Variants in PRAM1 observed in about 807,000 individuals in gnomAD.
PRAM1 encodes PML-RARA-regulated adapter molecule 1.
Under a neutral mutation model 55.3 loss-of-function variants are expected in PRAM1, and 41 were observed. The ratio of observed to expected loss-of-function variants is 0.74; its 90% CI spans 0.58 to 0.96. The LOEUF (loss-of-function observed/expected upper bound fraction) is 0.96. Ranked by LOEUF, PRAM1 falls within the 40% of genes least tolerant of loss-of-function variation. The pLI, the probability that PRAM1 is intolerant of heterozygous loss-of-function variation, is 0.00. For synonymous variants in PRAM1, 401 were observed against 387.1 expected (o/e 1.04, Z -0.42); for missense variants, 898 against 892.7 (o/e 1.01, Z -0.08).
At position 8,498,589 on chromosome 19, in the gene PRAM1, T is replaced by C; in HGVS notation, c.1219A>G (p.Ser407Gly). 6.2e-7 allele frequency: 1 copy of C among 1,612,634 alleles called. No homozygotes were observed. The highest frequency in any genetic ancestry group is 8.5e-7 in the Non-Finnish European group (1 of 1,179,738). The change falls in exon 2 of 10, where the codon AGC becomes GGC. Residue 407 changes from serine to glycine, a missense_variant. Coordinates refer to ENST00000423345, the MANE Select transcript of PRAM1 (RefSeq NM_032152.5). Reference protein sequence around the residue: ...VAGFSSRHPLSPGFGAAGTPR... With the variant: ...VAGFSSRHPLGPGFGAAGTPR... ...GTCCCAGCCGCTCCAAACCCAGGGC[T>C]GAGCGGGTGCCGGGAGCTGAAGCCG...
At chr19:8,496,842 G>T (rs566523116) in intron 4 of PRAM1, among the ~76,000 whole-genome samples, 112 of 152,092 alleles carry the variant, frequency 7.4e-4, no homozygotes, top group African/African-American at 2.5e-3. Context: ...TCGAGACCAC[G>T]GTGAAACCCC....
intron 1 of PRAM1, among the ~76,000 whole-genome samples, chr19:8,501,422 T>G (rs1425743394): frequency 1.3e-5 from 2 of 151,760 alleles, no homozygotes; most frequent in Non-Finnish European, 2.9e-5. Context: ...ATCCCACTAC[T>G]GCCCTGCATT....
Position 8,490,441 on chromosome 19 carries a change from C to T in PRAM1, c.1940+35G>A, listed in dbSNP as rs771160804. ...TCCCCCCACCCTGCACCACACACCC[C>T]GCACTCCCCCACCACGGTCAGGGCT... On this transcript the variant is annotated intron_variant, in intron 8 of 9. Coordinates refer to ENST00000423345, the MANE Select transcript of PRAM1 (RefSeq NM_032152.5). This position sits in a 1 kb window ranked among gnomAD's most constrained non-coding sequence, Gnocchi z 7.3. 1.4e-5 allele frequency: 22 copies of T among 1,613,210 alleles called. No homozygotes were observed. Among genetic ancestry groups the T allele is most frequent in the South Asian group, 8.8e-5 (8 of 91,014 alleles).
At position 8,498,684 on chromosome 19, in the gene PRAM1, A is replaced by C; in HGVS notation, c.1124T>G (p.Phe375Cys). ...TGGAGGCTTTCGAGGGAGATCACCG[A>C]AGAACTCAGGCTGCGGGTGTCTCTT... ...VLKRHPQPEF[F>C]GDLPRKPPLP... is the part of the protein sequence containing the mutation. The change falls in exon 2 of 10, where the codon TTC becomes TGC. Residue 375 changes from phenylalanine to cysteine, a missense_variant. Transcript: ENST00000423345. The C allele has an allele frequency of 3.7e-6, 6 of 1,606,800 alleles. No individual in the cohort carries two copies. Among genetic ancestry groups the C allele is most frequent in the Non-Finnish European group, 5.1e-6 (6 of 1,177,104 alleles).
At chr19:8,491,585 A>C (rs1279159373) in intron 4 of PRAM1, 1 of 229,704 alleles carries the variant, frequency 4.4e-6, no homozygotes, top group East Asian at 1.2e-4. Context: ...GGACTCCCCA[A>C]ATCCCACCAG....
chr19:8,497,669 G>T, intron 4 of PRAM1, 95 bp downstream of exon 4: 2 of 1,007,880 alleles, frequency 2.0e-6, no homozygotes, highest in Non-Finnish European at 3.0e-6. Flanking sequence ...GAGCCAGCAG[G>T]TCCTAAAATG....
chr19:8,499,194 G>C lies in PRAM1; in HGVS notation c.614C>G (p.Pro205Arg). Residue 205 changes from proline to arginine, a missense_variant, in exon 2 of 10, where the codon CCG becomes CGG. By Grantham distance (103) the Pro-to-Arg change is moderately radical. This residue lies in a region of PRAM1 where 787 missense variants were observed against 735.4 expected (regional missense o/e 1.07). Coordinates refer to ENST00000423345, the MANE Select transcript of PRAM1 (RefSeq NM_032152.5). ...PEAGEATPRSPQPELSTFPKK... is the reference protein window; with the variant it reads ...PEAGEATPRSRQPELSTFPKK... ...GGGAAAGGTACTCAACTCAGGCTGCGGGGACCTCGGGGTAGCCTCACCGGC... is the reference window on the plus strand; with the variant it reads ...GGGAAAGGTACTCAACTCAGGCTGCCGGGACCTCGGGGTAGCCTCACCGGC... 6.2e-7 allele frequency: 1 copy of C among 1,613,752 alleles called. No homozygotes were observed. The highest frequency in any genetic ancestry group is 8.5e-7 in the Non-Finnish European group (1 of 1,179,832).
Position 8,490,312 on chromosome 19 carries a change from CCAGCCCT to C in PRAM1, c.1975+19_1975+25del. On this transcript the variant is annotated intron_variant, in intron 9 of 9. Transcript: ENST00000423345. This position sits in a 1 kb window ranked among gnomAD's most constrained non-coding sequence, Gnocchi z 7.3. The stretch of plus-strand genomic sequence containing the variant: ...CCCCCGGGGAATCGCCAGGGTCCCT[CCAGCCCT>C]CCCAGAGTGTCCACGTACCGCAGAA... 1 of 1,613,964 alleles carries C rather than the reference CCAGCCCT, an allele frequency of 6.2e-7. No individual in the cohort carries two copies. The highest frequency in any genetic ancestry group is 1.1e-5 in the South Asian group (1 of 91,084).
chr19:8,499,281 G>A lies in PRAM1; in HGVS notation c.527C>T (p.Pro176Leu), dbSNP rs530838486. ...TTTGGGTTCGGAGGGGGGTCTGGCGGGGTGACTGAGTTCGTCGGGCTGCAG... is the reference window on the plus strand; with the variant it reads ...TTTGGGTTCGGAGGGGGGTCTGGCGAGGTGACTGAGTTCGTCGGGCTGCAG... ...KPLQPDELSH[P>L]ARPPSEPKSG... Residue 176 changes from proline to leucine, a missense_variant, in exon 2 of 10, where the codon CCC becomes CTC. Physicochemically the swap from Pro to Leu is moderately conservative, Grantham distance 98. This residue lies in a region of PRAM1 where 787 missense variants were observed against 735.4 expected (regional missense o/e 1.07). Coordinates refer to ENST00000423345, the MANE Select transcript of PRAM1 (RefSeq NM_032152.5). The A allele has an allele frequency of 1.3e-4, 209 of 1,609,764 alleles. 2 individuals carry two copies. The South Asian group carries it at 2.1e-3, about 16-fold the overall frequency.
At chr19:8,494,431 A>C (rs555339590) in intron 4 of PRAM1, among the ~76,000 whole-genome samples, 1 of 152,214 alleles carries the variant, frequency 6.6e-6, no homozygotes, top group East Asian at 1.9e-4. Context: ...GTGTTGCAAG[A>C]AGCTCAGGGA....
intron 4 of PRAM1, among the ~76,000 whole-genome samples, chr19:8,497,025 C>CA (rs757587069): frequency 6.6e-6 from 1 of 151,928 alleles, no homozygotes; most frequent in Non-Finnish European, 1.5e-5. Context: ...GACTCCATCT[C>CA]AAAAAATAAA....
Position 8,490,274 on chromosome 19 carries a change from A to G in PRAM1, c.1976-48T>C, listed in dbSNP as rs773415596. 35 of 1,613,226 alleles carry G rather than the reference A, an allele frequency of 2.2e-5. No homozygotes were observed. The highest frequency in any genetic ancestry group is 2.7e-5 in the Non-Finnish European group (32 of 1,179,608). ...ATGGACCCCTCTCCCCAGAAGCCCA[A>G]TAGTGAGCAGCGCCCCCGGGGAATC... is the stretch of plus-strand genomic sequence containing the variant. On this transcript the variant is annotated intron_variant, in intron 9 of 9. Transcript: ENST00000423345. The surrounding 1 kb of genome is among the most constrained non-coding windows in gnomAD (Gnocchi z 7.3).
rs368832868 is a variant in PRAM1, at chr19:8,499,189, G to T, written c.619C>A (p.Pro207Thr). The T allele has an allele frequency of 1.7e-5, 27 of 1,613,898 alleles. No homozygotes were observed. The African/African-American group carries it at 1.9e-4, about 11-fold the overall frequency. Residue 207 changes from proline (P) to threonine (T), a missense_variant, in exon 2 of 10, where the codon CCT becomes ACT. Transcript: ENST00000423345. Reference sequence around the variant, plus strand: ...TTCTTGGGAAAGGTACTCAACTCAGGCTGCGGGGACCTCGGGGTAGCCTCA... The same window carrying T: ...TTCTTGGGAAAGGTACTCAACTCAGTCTGCGGGGACCTCGGGGTAGCCTCA... ...AGEATPRSPQ[P>T]ELSTFPKKPA...
rs1212576390 is a variant in PRAM1, at chr19:8,490,283, A to T, written c.1975+55T>A. 6.2e-7 allele frequency: 1 copy of T among 1,613,454 alleles called. No homozygotes were observed. Among genetic ancestry groups the T allele is most frequent in the Admixed American group, 1.7e-5 (1 of 59,944 alleles). On this transcript the variant is annotated intron_variant, in intron 9 of 9. Transcript: ENST00000423345. The surrounding 1 kb of genome is among the most constrained non-coding windows in gnomAD (Gnocchi z 7.3). ...TCTCCCCAGAAGCCCAATAGTGAGC[A>T]GCGCCCCCGGGGAATCGCCAGGGTC...
At position 8,498,476 on chromosome 19, in the gene PRAM1, C is replaced by A. The variant is rs771903073; in HGVS notation, c.1332G>T (p.Leu444=). 1 of 1,589,374 alleles carries A rather than the reference C, an allele frequency of 6.3e-7. No homozygotes were observed. Among genetic ancestry groups the A allele is most frequent in the South Asian group, 1.1e-5 (1 of 87,566 alleles). ...RPSHPPRRRP[L]PPASSLGHPP... ...GGTGTCCCAGGCTGCTGGCAGGGGG[C>A]AGAGGCCTCCGCCGGGGTGGATGGC... The change falls in exon 2 of 10, where the codon CTG becomes CTT. Residue 444 remains leucine (L), a synonymous_variant. Coordinates refer to ENST00000423345, the MANE Select transcript of PRAM1 (RefSeq NM_032152.5).
rs544656179 is a variant in PRAM1, at chr19:8,500,489, CCT to C, written c.28-711_28-710del. Among the ~76,000 whole-genome samples the C allele has an allele frequency of 1.5e-3, 227 of 152,236 alleles. 3 individuals carry two copies. Among genetic ancestry groups the C allele is most frequent in the African/African-American group, 4.8e-3 (201 of 41,542 alleles). On this transcript the variant is annotated intron_variant, in intron 1 of 9. Coordinates refer to ENST00000423345, the MANE Select transcript of PRAM1 (RefSeq NM_032152.5). ...AGCTGGAGGGAGAAGCCTGTTGAAC[CCT>C]GAGTCTGTTTGTGTCCCTCTGCTCA...
In PRAM1 at chr19:8,499,646, C is replaced by T; in HGVS notation, c.162G>A (p.Glu54=). ...LKKFSQPELS[E]HPKKAPLPEF... is the part of the protein sequence containing the mutation. ...CAGGCAGCGGGGCCTTCTTGGGGTG[C>T]TCGCTTAGCTCAGGCTGGGAGAACT... The change falls in exon 2 of 10, where the codon GAG becomes GAA. Residue 54 remains glutamate (E), a synonymous_variant. Coordinates refer to ENST00000423345, the MANE Select transcript of PRAM1 (RefSeq NM_032152.5). 1 of 1,613,602 alleles carries T rather than the reference C, an allele frequency of 6.2e-7. No homozygotes were observed. Among genetic ancestry groups the T allele is most frequent in the South Asian group, 1.1e-5 (1 of 91,058 alleles).
intron 4 of PRAM1, chr19:8,495,960 G>GTA: frequency 2.3e-6 from 1 of 428,670 alleles, no homozygotes; most frequent in Non-Finnish European, 4.7e-6. Flanking sequence ...TGGGCAGGAG[G>GTA]TGCGGGCCTG....
rs1361603049 is a variant in PRAM1, at chr19:8,501,191, T to C, written c.27+1374A>G. Among the ~76,000 whole-genome samples, 8 of 150,506 alleles carry C rather than the reference T, an allele frequency of 5.3e-5. 1 individual carries two copies. The Admixed American group carries it at 5.3e-4, about 10-fold the overall frequency. ...TCGCCATACTGCAACCTCCGCCTCC[T>C]GGGTTCAAGCGATTCTCAGCCTCCT... On this transcript the variant is annotated intron_variant, in intron 1 of 9. Coordinates refer to ENST00000423345, the MANE Select transcript of PRAM1 (RefSeq NM_032152.5).
Sources: gnomAD v4.1 joint callset for allele counts (sites outside exome capture counted in the v4.1 genomes callset) on GRCh38, gnomAD v4.1.1 for gene constraint, gnomAD v4.1.1 regional missense constraint, Gnocchi (gnomAD v3.1) non-coding constraint, MANE v1.5 for transcripts, NCBI Gene and HGNC (gene_info 2026-07-23, HGNC 2026-07-21) for gene names.